The following ARPC2 variants were observed in gnomAD, a reference collection of about 807,000 sequenced individuals.
ARPC2 encodes actin related protein 2/3 complex subunit 2, also known as actin-related protein 2/3 complex subunit 2.
In ARPC2, 4 loss-of-function variants were observed where a neutral mutation model predicts 38.6. The observed-to-expected ratio is 0.10, with a 90% CI of 0.05 to 0.24. The LOEUF is 0.24. Ranked by LOEUF, ARPC2 falls within the 10% of genes least tolerant of loss-of-function variation. ARPC2 has a pLI of 1.00. For synonymous variants in ARPC2, 125 were observed against 140.8 expected, an observed-to-expected ratio of 0.89 and a Z score of 0.79; for missense variants, 229 against 387.3, an observed-to-expected ratio of 0.59 and a Z score of 3.43.
intron 4 of ARPC2, chr2:218,234,068 C>T (rs1233592313): frequency 4.3e-6 from 1 of 233,664 alleles, no homozygotes; most frequent in Non-Finnish European, 8.3e-6. Flanking sequence ...ACTTGGGAGG[C>T]TCAGGCAGGA....
chr2:218,217,203 A>C lies in ARPC2; in HGVS notation c.-60A>C. 2.3e-6 allele frequency: 1 copy of C among 428,554 alleles called. No homozygotes were observed. 26.5% of individuals were successfully genotyped at this position (428,554 alleles called of 1,614,324 possible). On this transcript the variant is annotated 5_prime_UTR_variant, in exon 1 of 11. Transcript: ENST00000315717. ...GGACCGGGCTTGTCGGTGAAGCGGC[A>C]GTGGCGGCGGCGGCGGCGGCTCGGC... is the stretch of plus-strand genomic sequence containing the variant.
At chr2:218,249,220 A>C (rs1690121230) in intron 8 of ARPC2, 144 bp from the exon 9 acceptor site, 1 of 603,760 alleles carries the variant, frequency 1.7e-6, no homozygotes, top group African/African-American at 1.9e-5. Context: ...TGTCAAGAAA[A>C]AACCCTGACA....
At chr2:218,227,302 T>C (rs551054525) in intron 3 of ARPC2, among the ~76,000 whole-genome samples, 1 of 152,302 alleles carries the variant, frequency 6.6e-6, no homozygotes, top group South Asian at 2.1e-4. Context: ...TCCTATAGAT[T>C]AGAAGCAACT....
chr2:218,251,550 C>T (rs973707589), intron 10 of ARPC2, among the ~76,000 whole-genome samples: 1 of 151,476 alleles, frequency 6.6e-6, no homozygotes, highest in African/African-American at 2.4e-5. Context: ...ACCTCCTGGG[C>T]TCAAGCAATC....
At chr2:218,250,619 G>A (rs974118994) in intron 10 of ARPC2, among the ~76,000 whole-genome samples, 8 of 149,262 alleles carry the variant, frequency 5.4e-5, no homozygotes, top group African/African-American at 2.0e-4. Context: ...AGCCAAGATT[G>A]TGCCACTGCA....
In ARPC2 at chr2:218,249,924, A is replaced by G. The variant is rs770038044; in HGVS notation, c.878+3A>G. 10 of 1,605,240 alleles carry G rather than the reference A, an allele frequency of 6.2e-6. No homozygotes were observed. The South Asian group carries it at 8.9e-5, about 14-fold the overall frequency. On this transcript the variant is annotated splice_donor_region_variant and intron_variant, in intron 10 of 10. Transcript: ENST00000315717. ...AAAAAAGAAATGAAAACAATCACGT[A>G]AGTTAGGCAGCACCCCAGCGACCAC...
At chr2:218,248,416 A>G (rs1419706321) in intron 8 of ARPC2, among the ~76,000 whole-genome samples, 1 of 152,184 alleles carries the variant, frequency 6.6e-6, no homozygotes, top group Non-Finnish European at 1.5e-5. Flanking sequence ...AACCAGGGCA[A>G]GAGGGGCATG....
At chr2:218,217,439 T>C in intron 1 of ARPC2, 24 bp from the exon 2 acceptor site, 7 of 1,611,994 alleles carry the variant, frequency 4.3e-6, no homozygotes, top group Non-Finnish European at 5.1e-6. Flanking sequence ...CACCGGCCCT[T>C]GTTTCTCCTT....
chr2:218,252,840 T>C (rs961073432), intron 10 of ARPC2: 3 of 454,618 alleles, frequency 6.6e-6, no homozygotes, highest in African/African-American at 6.0e-5. Flanking sequence ...CTCCCTGTCC[T>C]GGTGAGAGAC....
intron 5 of ARPC2, chr2:218,234,978 T>TA (rs887572550): frequency 4.9e-6 from 2 of 407,386 alleles, no homozygotes; most frequent in Non-Finnish European, 9.8e-6. Context: ...ACAGCCTTTT[T>TA]ACCCTGTGAT....
chr2:218,249,842 C>T lies in ARPC2; in HGVS notation c.799C>T (p.Arg267Trp), dbSNP rs747382487. ...CCAGGCCTATATTCACACACGTATG[C>T]GGGCGAAAACGTCTGACTTCCTCAA... ...CSKAYIHTRM[R>W]AKTSDFLKVL... Residue 267 changes from arginine (R) to tryptophan (W), a missense_variant, in exon 10 of 11, where the codon CGG becomes TGG. Physicochemically the swap from Arg to Trp is moderately radical, Grantham distance 101 (BLOSUM62 -3). Coordinates refer to ENST00000315717, the MANE Select transcript of ARPC2 (RefSeq NM_152862.3). 1.9e-6 allele frequency: 3 copies of T among 1,613,468 alleles called. No individual in the cohort carries two copies. Among genetic ancestry groups the T allele is most frequent in the Non-Finnish European group, 1.7e-6 (2 of 1,179,800 alleles).
rs114253163 is a variant in ARPC2 at position 218,243,531 on chromosome 2, A to G, written c.550-1889A>G. ...AGTGGCTCACGCCTGTAATCCCAGC[A>G]CTTTGCGGGGCCTAGGCAGGTGGAT... On this transcript the variant is annotated intron_variant, in intron 7 of 10. Coordinates refer to ENST00000315717, the MANE Select transcript of ARPC2 (RefSeq NM_152862.3). Among the ~76,000 whole-genome samples the G allele has an allele frequency of 3.1e-3, 477 of 152,304 alleles. 1 individual carries two copies. Among genetic ancestry groups the G allele is most frequent in the African/African-American group, 0.01 (434 of 41,570 alleles).
At chr2:218,250,359 A>G (rs1690155789) in intron 10 of ARPC2, among the ~76,000 whole-genome samples, 1 of 152,130 alleles carries the variant, frequency 6.6e-6, no homozygotes, top group Non-Finnish European at 1.5e-5. Context: ...TCTCTTTATC[A>G]GGGATAGAAT....
intron 10 of ARPC2, among the ~76,000 whole-genome samples, chr2:218,252,308 G>A (rs937918814): frequency 6.6e-6 from 1 of 152,160 alleles, no homozygotes; most frequent in African/African-American, 2.4e-5. Context: ...GTGTCCAAAT[G>A]CCATGCAATG....
At chr2:218,229,779 A>C (rs1336365521) in intron 4 of ARPC2, among the ~76,000 whole-genome samples, 2 of 152,232 alleles carry the variant, frequency 1.3e-5, no homozygotes, top group Non-Finnish European at 2.9e-5. Flanking sequence ...TGATTTTCTC[A>C]TAAGTTCAAA....
chr2:218,240,243 G>C (rs566475794), intron 7 of ARPC2, among the ~76,000 whole-genome samples: 1 of 151,974 alleles, frequency 6.6e-6, no homozygotes, highest in East Asian at 1.9e-4. Context: ...ATGAGCCACC[G>C]CGCCCAGCCT....
chr2:218,231,218 TCTC>T (rs1433707622), intron 4 of ARPC2, among the ~76,000 whole-genome samples: 1 of 28,432 alleles, frequency 3.5e-5, no homozygotes, highest in African/African-American at 7.8e-5. Flanking sequence ...CCTCCACCCA[TCTC>T]CTGGTGTCAT....
rs746119094 is a variant in ARPC2, at chr2:218,249,845, G to A, written c.802G>A (p.Ala268Thr). The A allele has an allele frequency of 6.2e-7, 1 of 1,613,874 alleles. No individual in the cohort carries two copies. The highest frequency in any genetic ancestry group is 1.1e-5 in the South Asian group (1 of 90,972). The change falls in exon 10 of 11, where the codon GCG becomes ACG. Residue 268 changes from alanine (A) to threonine (T), a missense_variant. Ala to Thr is a moderately conservative substitution (Grantham distance 58, BLOSUM62 0). Transcript: ENST00000315717. ...GGCCTATATTCACACACGTATGCGG[G>A]CGAAAACGTCTGACTTCCTCAAGGT... ...SKAYIHTRMR[A>T]KTSDFLKVLN... is the part of the protein sequence containing the mutation.
intron 7 of ARPC2, chr2:218,239,707 C>A (rs1372560980): frequency 2.0e-6 from 1 of 488,852 alleles, no homozygotes; most frequent in Non-Finnish European, 3.7e-6. Flanking sequence ...AATTCTCCTG[C>A]CTCAACCTCC....
Sources: allele counts gnomAD v4.1 joint callset (sites outside exome capture counted in the v4.1 genomes callset), GRCh38; gene constraint gnomAD v4.1.1; transcripts MANE v1.5; gene names NCBI Gene and HGNC (gene_info 2026-07-23, HGNC 2026-07-21).